MSRA: variants seen among roughly 807,000 people sequenced by gnomAD.
The protein encoded by MSRA is methionine sulfoxide reductase A, also known as mitochondrial peptide methionine sulfoxide reductase.
A neutral mutation model predicts 31.3 loss-of-function variants in MSRA; 54 were observed. The observed-to-expected ratio is 1.73, with a 90% CI of 1.39 to 2.17. The LOEUF (loss-of-function observed/expected upper bound fraction) is 2.17, where lower values mean the gene tolerates loss of function less well. Among genes scored for constraint, MSRA ranks in the 30% most tolerant of loss-of-function variants. MSRA has a pLI of 0.00. For missense variants in MSRA, 507 were observed against 300.9 expected, an observed-to-expected ratio of 1.69 and a Z score of -5.07; for synonymous variants, 169 against 116.5, an observed-to-expected ratio of 1.45 and a Z score of -2.90.
chr8:10,213,081 TTAC>T (rs1809651709), intron 2 of MSRA, among the ~76,000 whole-genome samples: 1 of 152,180 alleles, frequency 6.6e-6, no homozygotes, highest in African/African-American at 2.4e-5. Flanking sequence ...TACAATTAAA[TTAC>T]TACTAACTAT....
chr8:10,061,933 G>T (rs748752562), intron 1 of MSRA, among the ~76,000 whole-genome samples: 27 of 152,214 alleles, frequency 1.8e-4, no homozygotes, highest in Admixed American at 3.3e-4. Flanking sequence ...TAAGCTCAGT[G>T]CAGTCCACGT....
At chr8:10,425,148 G>A (rs4319147) in intron 5 of MSRA, among the ~76,000 whole-genome samples, 37,120 of 151,902 alleles carry the variant, frequency 0.24, 4,699 homozygotes, top group Admixed American at 0.29. Context: ...GTGGGTGGGG[G>A]GATGGGGGAG....
intron 5 of MSRA, among the ~76,000 whole-genome samples, chr8:10,399,085 A>G (rs1379785139): frequency 6.6e-6 from 1 of 152,180 alleles, no homozygotes; most frequent in Non-Finnish European, 1.5e-5. Flanking sequence ...CAACCATGGA[A>G]TTTTCCAAAG....
At chr8:10,266,676 C>T (rs897584362) in intron 3 of MSRA, among the ~76,000 whole-genome samples, 9 of 151,878 alleles carry the variant, frequency 5.9e-5, no homozygotes, top group Non-Finnish European at 1.2e-4. Flanking sequence ...AATATTTTCT[C>T]TTATTTTTTC....
intron 5 of MSRA, among the ~76,000 whole-genome samples, chr8:10,383,917 G>T (rs1245749215): frequency 6.6e-6 from 1 of 152,134 alleles, no homozygotes; most frequent in East Asian, 1.9e-4. Context: ...GAACATCCAG[G>T]ACATTCCTCA....
At chr8:10,213,332 A>G (rs1385515651) in intron 2 of MSRA, among the ~76,000 whole-genome samples, 1 of 151,548 alleles carries the variant, frequency 6.6e-6, no homozygotes, top group African/African-American at 2.4e-5. Context: ...TTCACTTAAC[A>G]TAGTGTTGTT....
intron 3 of MSRA, among the ~76,000 whole-genome samples, chr8:10,296,954 C>A (rs545142526): frequency 6.6e-6 from 1 of 152,204 alleles, no homozygotes; most frequent in African/African-American, 2.4e-5. Context: ...TCCCTGCTCT[C>A]TTGTTCTTGT....
At chr8:10,392,046 G>A (rs956758390) in intron 5 of MSRA, among the ~76,000 whole-genome samples, 3 of 152,186 alleles carry the variant, frequency 2.0e-5, no homozygotes, top group African/African-American at 7.2e-5. Context: ...CAGAAAATGA[G>A]GTGGGAAGGT....
At chr8:10,226,894 C>T (rs573620170) in intron 2 of MSRA, among the ~76,000 whole-genome samples, 5 of 152,298 alleles carry the variant, frequency 3.3e-5, no homozygotes, top group South Asian at 4.1e-4. Context: ...CGTGGTGCTA[C>T]TGGCTATTTA....
At chr8:10,370,901 G>A (rs531545425) in intron 5 of MSRA, among the ~76,000 whole-genome samples, 17 of 152,316 alleles carry the variant, frequency 1.1e-4, no homozygotes, top group South Asian at 4.1e-4. Flanking sequence ...GAGAAAAGGC[G>A]CCAGCGTTTT....
intron 1 of MSRA, among the ~76,000 whole-genome samples, chr8:10,126,987 C>G (rs529011473): frequency 6.6e-6 from 1 of 152,348 alleles, no homozygotes; most frequent in African/African-American, 2.4e-5. Context: ...TGGTTCCCAA[C>G]AGGCCACAGC....
chr8:10,249,222 G>A (rs1002053692), intron 3 of MSRA, among the ~76,000 whole-genome samples: 1 of 152,172 alleles, frequency 6.6e-6, no homozygotes, highest in African/African-American at 2.4e-5. Flanking sequence ...AAAATGCAAT[G>A]AAATCAGGTT....
At chr8:10,330,047 C>T (rs1423676403) in intron 5 of MSRA, among the ~76,000 whole-genome samples, 1 of 98,596 alleles carries the variant, frequency 1.0e-5, no homozygotes, top group African/African-American at 3.3e-5. Context: ...TGTGTGTGAT[C>T]AAAAAGCATT....
intron 1 of MSRA, among the ~76,000 whole-genome samples, chr8:10,090,350 A>G (rs1477612832): frequency 6.6e-6 from 1 of 152,168 alleles, no homozygotes; most frequent in African/African-American, 2.4e-5. Flanking sequence ...TGGAACCAAG[A>G]AGTCAAAACA....
intron 3 of MSRA, among the ~76,000 whole-genome samples, chr8:10,281,309 G>T (rs1323705620): frequency 6.6e-6 from 1 of 152,112 alleles, no homozygotes; most frequent in African/African-American, 2.4e-5. Context: ...CATTCTCCTG[G>T]ACTTTTCCCC....
chr8:10,168,333 G>A (rs527692943), intron 1 of MSRA, among the ~76,000 whole-genome samples: 46 of 152,218 alleles, frequency 3.0e-4, no homozygotes, highest in South Asian at 2.1e-3. Context: ...CTCTATAGAT[G>A]ACTGTATTAT....
chr8:10,261,439 T>C (rs1798478477), intron 3 of MSRA, among the ~76,000 whole-genome samples: 3 of 150,574 alleles, frequency 2.0e-5, no homozygotes, highest in Admixed American at 1.3e-4. Flanking sequence ...CTCATGTCTG[T>C]GATCCCAGCA....
At chr8:10,323,256 C>G (rs553414696) in intron 5 of MSRA, among the ~76,000 whole-genome samples, 1 of 152,152 alleles carries the variant, frequency 6.6e-6, no homozygotes, top group Admixed American at 6.5e-5. Context: ...TTGTTTCATC[C>G]CACTGTATTT....
chr8:10,073,539 T>C (rs528228334), intron 1 of MSRA, among the ~76,000 whole-genome samples: 23 of 142,194 alleles, frequency 1.6e-4, no homozygotes, highest in African/African-American at 5.5e-4. Context: ...CAACTTTTTC[T>C]TTTGAATTGT....
Sources: allele counts gnomAD v4.1 joint callset (sites outside exome capture counted in the v4.1 genomes callset), GRCh38; gene constraint gnomAD v4.1.1; transcripts MANE v1.5; gene names NCBI Gene and HGNC (gene_info 2026-07-23, HGNC 2026-07-21).